Variants in MYH13 observed in about 807,000 individuals in gnomAD.
MYH13 encodes myosin heavy chain 13.
A neutral mutation model predicts 232.1 loss-of-function variants in MYH13; 177 were observed. The ratio of observed to expected loss-of-function variants is 0.76; its 90% CI spans 0.67 to 0.86. The LOEUF is 0.86. Ranked by LOEUF, MYH13 falls within the 40% of genes least tolerant of loss-of-function variation. The pLI is 0.00. For synonymous variants in MYH13, 884 were observed against 923.5 expected, an observed-to-expected ratio of 0.96 and a Z score of 0.78; for missense variants, 2,246 against 2,405.9, an observed-to-expected ratio of 0.93 and a Z score of 1.39.
chr17:10,331,614 G>A (rs1350136814), intron 20 of MYH13, among the ~76,000 whole-genome samples: 1 of 152,124 alleles, frequency 6.6e-6, no homozygotes, highest in Non-Finnish European at 1.5e-5. Flanking sequence ...GCTTCACTTT[G>A]TTGCCCAGGC....
At chr17:10,351,888 C>T (rs17208512) in intron 11 of MYH13, among the ~76,000 whole-genome samples, 3 of 152,030 alleles carry the variant, frequency 2.0e-5, no homozygotes, top group South Asian at 2.1e-4. Flanking sequence ...TTGGTGAGCA[C>T]GTAGGATAGA....
At chr17:10,317,201 G>C (rs1029138368) in intron 27 of MYH13, among the ~76,000 whole-genome samples, 2 of 152,168 alleles carry the variant, frequency 1.3e-5, no homozygotes, top group African/African-American at 4.8e-5. Flanking sequence ...TTCCTACCCA[G>C]CTACCCCTGC....
chr17:10,346,014 CA>C (rs2071663785), intron 13 of MYH13, among the ~76,000 whole-genome samples: 3 of 96,734 alleles, frequency 3.1e-5, no homozygotes, highest in Non-Finnish European at 4.2e-5. Context: ...AAAAAAAAAA[CA>C]AAAGAAAAAA....
intron 21 of MYH13, among the ~76,000 whole-genome samples, chr17:10,329,721 G>T (rs956142990): frequency 6.6e-6 from 1 of 152,206 alleles, no homozygotes; most frequent in Non-Finnish European, 1.5e-5. Flanking sequence ...AGTGGCTTAC[G>T]CCTGTAATCC....
At chr17:10,322,743 C>T (rs1907011262) in intron 23 of MYH13, among the ~76,000 whole-genome samples, 3 of 150,102 alleles carry the variant, frequency 2.0e-5, no homozygotes, top group Non-Finnish European at 4.4e-5. Context: ...ACGCCATTCT[C>T]CGGCCTCAGC....
At chr17:10,327,320 T>C (rs1474499950) in intron 22 of MYH13, among the ~76,000 whole-genome samples, 1 of 151,168 alleles carries the variant, frequency 6.6e-6, no homozygotes, top group Non-Finnish European at 1.5e-5. Flanking sequence ...TTTTTAAAAA[T>C]TTTTTTACAG....
At chr17:10,322,006 G>A (rs530563881) in intron 23 of MYH13, among the ~76,000 whole-genome samples, 111 of 152,078 alleles carry the variant, frequency 7.3e-4, no homozygotes, top group Non-Finnish European at 1.3e-3. Flanking sequence ...ATCTATATTC[G>A]CTCATAATAT....
At chr17:10,343,279 C>T (rs76934108) in intron 16 of MYH13, among the ~76,000 whole-genome samples, 15,086 of 151,930 alleles carry the variant, frequency 0.099, 953 homozygotes, top group East Asian at 0.15. Flanking sequence ...TTCACTGTAA[C>T]CTCTGCTTCC....
chr17:10,304,188 G>A lies in MYH13; in HGVS notation c.5467-690C>T, dbSNP rs988035507. ...TGTAAATGATGGGTTGATGGGTGCA[G>A]CAAACCAACATAGCACGTTTATACC... On this transcript the variant is annotated intron_variant, in intron 37 of 40. Coordinates refer to ENST00000252172, the MANE Select transcript of MYH13 (RefSeq NM_003802.3). This position sits in a 1 kb window ranked among gnomAD's most constrained non-coding sequence, Gnocchi z 5.3. Among the ~76,000 whole-genome samples the A allele has an allele frequency of 1.3e-5, 2 of 152,166 alleles. No individual in the cohort carries two copies. Among genetic ancestry groups the A allele is most frequent in the African/African-American group, 4.8e-5 (2 of 41,436 alleles).
Position 10,362,013 on chromosome 17 carries a change from A to T in MYH13, c.505+105T>A, listed in dbSNP as rs144359776. On this transcript the variant is annotated intron_variant, in intron 5 of 40. Transcript: ENST00000252172. ...CATCCCCAAATCATCTGACTCTCCG[A>T]AGATCCTTTGATTATTGCACCATTC... 6.4e-4 allele frequency: 1,016 copies of T among 1,598,994 alleles called. 10 individuals are homozygous for T. The African/African-American group carries it at 0.012, about 19-fold the overall frequency.
Position 10,306,572 on chromosome 17 carries a change from G to A in MYH13, c.5353C>T (p.Arg1785Trp), listed in dbSNP as rs760812296. The A allele has an allele frequency of 9.3e-6, 15 of 1,613,920 alleles. No homozygotes were observed. Among genetic ancestry groups the A allele is most frequent in the East Asian group, 2.2e-5 (1 of 44,894 alleles). The change falls in exon 37 of 41, where the codon CGG becomes TGG. Residue 1785 changes from arginine to tryptophan, a missense_variant. Transcript: ENST00000252172. The surrounding 1 kb of genome is among the most constrained non-coding windows in gnomAD (Gnocchi z 4.3). ...KEQDTSAHLE[R>W]MKKNLEQTVK... ...GTCTGCTCCAGGTTCTTCTTCATCCGCTCCAGGTGGGCGCTGGTGTCCTGT... is the reference window on the plus strand; with the variant it reads ...GTCTGCTCCAGGTTCTTCTTCATCCACTCCAGGTGGGCGCTGGTGTCCTGT...
chr17:10,350,453 T>C, intron 12 of MYH13, 103 bp downstream of exon 12: 1 of 1,493,546 alleles, frequency 6.7e-7, no homozygotes, highest in African/African-American at 1.4e-5. Flanking sequence ...TTATGCAGTT[T>C]TGGAAGAACA....
At chr17:10,346,019 GA>G (rs1396332129) in intron 13 of MYH13, among the ~76,000 whole-genome samples, 4 of 118,114 alleles carry the variant, frequency 3.4e-5, no homozygotes, top group East Asian at 3.4e-4. Context: ...AAAAACAAAA[GA>G]AAAAAAGAAA....
At chr17:10,334,964 C>T (rs1004201362) in intron 18 of MYH13, among the ~76,000 whole-genome samples, 30 of 151,950 alleles carry the variant, frequency 2.0e-4, no homozygotes, top group African/African-American at 6.8e-4. Context: ...TGGTCTAATT[C>T]GACTCCCATG....
chr17:10,327,771 C>A, intron 22 of MYH13, 95 bp downstream of exon 22: 1 of 1,494,578 alleles, frequency 6.7e-7, no homozygotes, highest in Non-Finnish European at 9.1e-7. Context: ...GCACCACTGT[C>A]TCTCGAATAG....
chr17:10,345,850 A>G (rs1034366732), intron 13 of MYH13, among the ~76,000 whole-genome samples: 6 of 151,820 alleles, frequency 4.0e-5, no homozygotes, highest in African/African-American at 7.3e-5. Context: ...AAAATTAGCC[A>G]GGTGTGGTGG....
At chr17:10,348,754 G>T (rs2071686818) in intron 12 of MYH13, among the ~76,000 whole-genome samples, 1 of 151,958 alleles carries the variant, frequency 6.6e-6, no homozygotes, top group African/African-American at 2.4e-5. Flanking sequence ...TTAATTTCAG[G>T]TTGTCTGCAT....
intron 2 of MYH13, among the ~76,000 whole-genome samples, chr17:10,367,437 C>T (rs1358864943): frequency 6.6e-6 from 1 of 152,138 alleles, no homozygotes; most frequent in African/African-American, 2.4e-5. Flanking sequence ...CAACCTCCAC[C>T]TCCCGGGTTC....
At chr17:10,338,248 A>G (rs8070674) in intron 18 of MYH13, among the ~76,000 whole-genome samples, 109,423 of 151,812 alleles carry the variant, frequency 0.72, 41,036 homozygotes, top group East Asian at 0.9. Flanking sequence ...CTACAAGCCA[A>G]TGATTTCGTG....
Sources: allele counts gnomAD v4.1 joint callset (sites outside exome capture counted in the v4.1 genomes callset), GRCh38; gene constraint gnomAD v4.1.1; non-coding constraint Gnocchi (gnomAD v3.1); transcripts MANE v1.5; gene names NCBI Gene and HGNC (gene_info 2026-07-23, HGNC 2026-07-21).